The following SLC18A2 variants were observed in gnomAD, a reference collection of about 807,000 sequenced individuals.
SLC18A2 encodes the protein solute carrier family 18 member A2.
SLC18A2 carries 33 observed loss-of-function variants against 59.2 expected under a neutral mutation model. That is an observed-to-expected ratio of 0.56 (90% CI 0.42 to 0.75). The LOEUF (loss-of-function observed/expected upper bound fraction) is 0.75. Ranked by LOEUF, SLC18A2 falls within the 30% of genes least tolerant of loss-of-function variation. The probability of loss-of-function intolerance (pLI) is 0.00; values close to 1 mark genes in which losing one functional copy is unlikely to be tolerated. For synonymous variants in SLC18A2, 228 were observed against 253.5 expected (o/e 0.90, Z 0.95); for missense variants, 569 against 668.6 (o/e 0.85, Z 1.64).
At chr10:117,257,748 A>G in intron 9 of SLC18A2, 49 bp from the exon 10 acceptor site, 2 of 1,270,470 alleles carry the variant, frequency 1.6e-6, no homozygotes, top group South Asian at 1.4e-5. Context: ...TGTGCCTGGA[A>G]ATGAGAGAGG....
chr10:117,264,383 G>C (rs1471989410), intron 10 of SLC18A2, among the ~76,000 whole-genome samples: 2 of 152,230 alleles, frequency 1.3e-5, no homozygotes, highest in Admixed American at 1.3e-4. Flanking sequence ...GGCTGAGGCA[G>C]GTGGATCACT....
In SLC18A2 at chr10:117,270,197, A is replaced by T. The variant is rs780151298; in HGVS notation, c.1306+7A>T. The stretch of plus-strand genomic sequence containing the variant: ...TGTATGGGGTATGCTATAGGTAAGG[A>T]CATTGGCTTTTCATAAGAACCTTTT... On this transcript the variant is annotated splice_region_variant and intron_variant, in intron 14 of 15. Coordinates refer to ENST00000644641, the MANE Select transcript of SLC18A2 (RefSeq NM_003054.6). The T allele has an allele frequency of 5.6e-6, 9 of 1,614,036 alleles. No individual in the cohort carries two copies. The highest frequency in any genetic ancestry group is 1.6e-4 in the Middle Eastern group (1 of 6,082).
rs1427031125 is a variant in SLC18A2, at chr10:117,269,353, C to T, written c.1187-718C>T. ...CATAATACACATACACACATGCATA[C>T]ACACATATACATAGACATACACAGA... is the stretch of plus-strand genomic sequence containing the variant. On this transcript the variant is annotated intron_variant, in intron 13 of 15. Coordinates refer to ENST00000644641, the MANE Select transcript of SLC18A2 (RefSeq NM_003054.6). The surrounding 1 kb of genome is among the most constrained non-coding windows in gnomAD (Gnocchi z 5.1). Among the ~76,000 whole-genome samples the T allele has an allele frequency of 1.3e-5, 2 of 152,048 alleles. No individual in the cohort carries two copies. Among genetic ancestry groups the T allele is most frequent in the Non-Finnish European group, 2.9e-5 (2 of 68,002 alleles).
chr10:117,267,571 C>T, intron 12 of SLC18A2, 102 bp from the exon 13 acceptor site: 2 of 786,068 alleles, frequency 2.5e-6, no homozygotes, highest in South Asian at 2.2e-5. Flanking sequence ...CAGAAGGGAA[C>T]AGGCATACCA....
rs1258627120 is a variant in SLC18A2 at position 117,243,980 on chromosome 10, T to C, written c.131T>C (p.Ile44Thr). 4 of 1,612,064 alleles carry C rather than the reference T, an allele frequency of 2.5e-6. No homozygotes were observed. Among genetic ancestry groups the C allele is most frequent in the Non-Finnish European group, 3.4e-6 (4 of 1,178,606 alleles). Residue 44 changes from isoleucine to threonine, a missense_variant, in exon 3 of 16, where the codon ATC (isoleucine) becomes ACC (threonine). By Grantham distance (89) the Ile-to-Thr change is moderately conservative. This residue lies in a region of SLC18A2 where 377 missense variants were observed against 389.8 expected (regional missense o/e 0.97). Transcript: ENST00000644641. The stretch of plus-strand genomic sequence containing the variant: ...CTGCTCTTATCCCCAGTCCCCATCA[T>C]CCCAAGTTATCTGTACAGCATTAAG... Reference protein sequence around the residue: ...NMLLTVVVPIIPSYLYSIKHE... With the variant: ...NMLLTVVVPITPSYLYSIKHE...
At chr10:117,277,107 CATCTT>C (rs1035182657) in intron 15 of SLC18A2, 50 bp from the exon 16 acceptor site, 3 of 1,017,842 alleles carry the variant, frequency 2.9e-6, no homozygotes, top group African/African-American at 3.3e-5. Flanking sequence ...AGGTTAAAAC[CATCTT>C]ATCTTTATGA....
At chr10:117,267,098 A>G (rs1844357997) in intron 12 of SLC18A2, 63 bp downstream of exon 12, 1 of 1,183,132 alleles carries the variant, frequency 8.5e-7, no homozygotes, top group Non-Finnish European at 1.2e-6. Context: ...CGCTTTGGGC[A>G]AGAATCACCA....
rs974706641 is a variant in SLC18A2, at chr10:117,253,416, C to T, written c.482C>T (p.Pro161Leu). Residue 161 changes from proline to leucine, a missense_variant, in exon 4 of 16, where the codon CCC becomes CTC. Coordinates refer to ENST00000644641, the MANE Select transcript of SLC18A2 (RefSeq NM_003054.6). The part of the protein sequence containing the change: ...LLTNRIGYPI[P>L]IFAGFCIMFV... ...TTTTGCAGAATTGGCTATCCAATTC[C>T]CATATTTGCGGGATTCTGCATCATG... 2 of 1,613,550 alleles carry T rather than the reference C, an allele frequency of 1.2e-6. No homozygotes were observed. Among genetic ancestry groups the T allele is most frequent in the Non-Finnish European group, 1.7e-6 (2 of 1,179,642 alleles).
At chr10:117,274,854 A>T (rs1409575388) in intron 15 of SLC18A2, among the ~76,000 whole-genome samples, 1 of 152,104 alleles carries the variant, frequency 6.6e-6, no homozygotes, top group Non-Finnish European at 1.5e-5. Flanking sequence ...CTGGGATAGG[A>T]CCTTAAAGGC....
At chr10:117,272,468 T>C (rs537757405) in intron 15 of SLC18A2, among the ~76,000 whole-genome samples, 78 of 152,298 alleles carry the variant, frequency 5.1e-4, no homozygotes, top group African/African-American at 1.6e-3. Context: ...GAGAATGTGC[T>C]TGCCCAGCCA....
intron 6 of SLC18A2, 67 bp from the exon 7 acceptor site, chr10:117,255,210 A>C: frequency 7.2e-7 from 1 of 1,397,684 alleles, no homozygotes; most frequent in Non-Finnish European, 1.0e-6. Context: ...AGAGTCAAAT[A>C]GATGGTTCTA....
At chr10:117,257,284 G>A (rs1844241592) in intron 9 of SLC18A2, among the ~76,000 whole-genome samples, 1 of 152,016 alleles carries the variant, frequency 6.6e-6, no homozygotes, top group Non-Finnish European at 1.5e-5. Flanking sequence ...ATGTACCGCT[G>A]AACCCCGCCC....
At chr10:117,265,935 C>A (rs1363223587) in intron 10 of SLC18A2, among the ~76,000 whole-genome samples, 1 of 151,986 alleles carries the variant, frequency 6.6e-6, no homozygotes, top group Non-Finnish European at 1.5e-5. Context: ...ACTAAAAATA[C>A]AAAAATTAAC....
At chr10:117,242,979 G>T (rs539242800) in intron 2 of SLC18A2, among the ~76,000 whole-genome samples, 17 of 152,248 alleles carry the variant, frequency 1.1e-4, no homozygotes, top group Non-Finnish European at 2.1e-4. Flanking sequence ...TGATCTACCC[G>T]CCTCGACCTC....
chr10:117,277,426 C>T lies in SLC18A2; in HGVS notation c.*160C>T. 1 of 451,312 alleles carries T rather than the reference C, an allele frequency of 2.2e-6. No individual in the cohort carries two copies. Among genetic ancestry groups the T allele is most frequent in the South Asian group, 4.6e-5 (1 of 21,668 alleles). 28.0% of individuals were successfully genotyped at this position (451,312 alleles called of 1,614,324 possible). A position where few individuals can be genotyped will look rare whatever the true frequency, so the allele number is the denominator to read the frequency against. Reference sequence around the variant, plus strand: ...TTCCATGGTTATGGTCGATTGCCAACAGCCTTATAAAGAAAAAGAAGCTTT... The same window carrying T: ...TTCCATGGTTATGGTCGATTGCCAATAGCCTTATAAAGAAAAAGAAGCTTT... On this transcript the variant is annotated 3_prime_UTR_variant, in exon 16 of 16. Coordinates refer to ENST00000644641, the MANE Select transcript of SLC18A2 (RefSeq NM_003054.6).
chr10:117,253,944 G>A, intron 4 of SLC18A2, 104 bp from the exon 5 acceptor site: 1 of 987,744 alleles, frequency 1.0e-6, no homozygotes, highest in Non-Finnish European at 1.6e-6. Context: ...TGGCTAACAT[G>A]CAAATGCTCC....
At chr10:117,245,529 C>A (rs148878495) in intron 3 of SLC18A2, among the ~76,000 whole-genome samples, 11 of 151,994 alleles carry the variant, frequency 7.2e-5, no homozygotes, top group Middle Eastern at 3.4e-3. Context: ...GCAGGGAGAA[C>A]TTCACATTTC....
intron 15 of SLC18A2, among the ~76,000 whole-genome samples, chr10:117,273,074 C>A (rs1348565729): frequency 6.6e-6 from 1 of 152,222 alleles, no homozygotes; most frequent in Non-Finnish European, 1.5e-5. Flanking sequence ...ATCCTGATAA[C>A]AAGGTGTTTG....
Position 117,278,323 on chromosome 10 carries a change from A to G in SLC18A2, c.*1057A>G, listed in dbSNP as rs895212504. 2 of 152,278 alleles carry G rather than the reference A, an allele frequency of 1.3e-5. No individual in the cohort carries two copies. Among genetic ancestry groups the G allele is most frequent in the Admixed American group, 6.5e-5 (1 of 15,286 alleles). 9.4% of individuals were successfully genotyped at this position (152,278 alleles called of 1,614,324 possible). ...TGAAGACAAATTTTAAATGAAAATG[A>G]AGAATGAAATTATGTCTTGAATCAT... On this transcript the variant is annotated 3_prime_UTR_variant, in exon 16 of 16. Transcript: ENST00000644641.
Sources: allele counts gnomAD v4.1 joint callset (sites outside exome capture counted in the v4.1 genomes callset), GRCh38; gene constraint gnomAD v4.1.1; regional missense constraint gnomAD v4.1.1; non-coding constraint Gnocchi (gnomAD v3.1); transcripts MANE v1.5; gene names NCBI Gene and HGNC (gene_info 2026-07-23, HGNC 2026-07-21).